Variants in DNAAF4 observed in about 807,000 individuals in gnomAD.
The protein encoded by DNAAF4 is dynein assembly factor 4, axonemal.
In DNAAF4, 43 loss-of-function variants were observed where a neutral mutation model predicts 51.8. That is an observed-to-expected ratio of 0.83 (90% CI 0.65 to 1.07). DNAAF4 has a LOEUF of 1.07. DNAAF4 is among the 50% of genes least tolerant of loss of function. DNAAF4 has a pLI of 0.00. For synonymous variants in DNAAF4, 194 were observed against 165.6 expected, an observed-to-expected ratio of 1.17 and a Z score of -1.32; for missense variants, 581 against 493.0, an observed-to-expected ratio of 1.18 and a Z score of -1.69.
chr15:55,425,335 G>A (rs892091089), downstream of DNAAF4, among the ~76,000 whole-genome samples: 1 of 152,248 alleles, frequency 6.6e-6, no homozygotes, highest in Admixed American at 6.5e-5. Flanking sequence ...CAAGAATCCT[G>A]TTAGGTCAAT....
intron 4 of DNAAF4, among the ~76,000 whole-genome samples, chr15:55,470,101 G>C (rs2058231873): frequency 6.6e-6 from 1 of 151,708 alleles, no homozygotes; most frequent in African/African-American, 2.4e-5. Flanking sequence ...GCCCAGGCTG[G>C]AGTGCAGTGG....
In DNAAF4 at chr15:55,505,358, G is replaced by A. The variant is rs375180529; in HGVS notation, c.-256+2764C>T. On this transcript the variant is annotated intron_variant, in intron 1 of 9. Transcript: ENST00000321149. Reference sequence around the variant, plus strand: ...GTTCAACCATTATGGAAGACAGTGTGAAGATTCCTGAAGGATCTAGAACTA... The same window carrying A: ...GTTCAACCATTATGGAAGACAGTGTAAAGATTCCTGAAGGATCTAGAACTA... 1.9e-4 allele frequency among the ~76,000 whole-genome samples: 29 copies of A among 152,276 alleles called. No individual in the cohort carries two copies. In the East Asian group the frequency reaches 4.1e-3, roughly 21 times the overall value.
chr15:55,452,568 T>C (rs2057952509), intron 5 of DNAAF4, among the ~76,000 whole-genome samples: 1 of 152,092 alleles, frequency 6.6e-6, no homozygotes, highest in Non-Finnish European at 1.5e-5. Context: ...TTGCAAAACA[T>C]AAAAAAGAAA....
intron 5 of DNAAF4, among the ~76,000 whole-genome samples, chr15:55,452,092 C>T (rs995824253): frequency 3.3e-5 from 5 of 150,940 alleles, no homozygotes; most frequent in Non-Finnish European, 1.5e-5. Flanking sequence ...ACTAAAATTA[C>T]AAAAAATTAG....
In DNAAF4 at chr15:55,447,871, G is replaced by A. The variant is rs76208660; in HGVS notation, c.783+2351C>T. Reference sequence around the variant, plus strand: ...AGGGCAGAGGGGAGAGGGGAGAGGGGAGAGGGGAGAGGGGAGCCCCTTTAT... The same window carrying A: ...AGGGCAGAGGGGAGAGGGGAGAGGGAAGAGGGGAGAGGGGAGCCCCTTTAT... On this transcript the variant is annotated intron_variant, in intron 6 of 9. Transcript: ENST00000321149. Among the ~76,000 whole-genome samples, 2 of 113,056 alleles carry A rather than the reference G, an allele frequency of 1.8e-5. 1 individual carries two copies. The highest frequency in any genetic ancestry group is 6.9e-4 in the East Asian group (2 of 2,900). 74.2% of individuals were successfully genotyped at this position (113,056 alleles called of 152,430 possible). A position where few individuals can be genotyped will look rare whatever the true frequency, so the allele number is the denominator to read the frequency against.
Position 55,432,698 on chromosome 15 carries a change from C to T in DNAAF4, c.1048-96G>A, listed in dbSNP as rs1256395296. The stretch of plus-strand genomic sequence containing the variant: ...TGGTGGCTCACGCCTGTAATCCCAA[C>T]ACTTGGGGAGGCCGAGGTAGGTGGA... On this transcript the variant is annotated intron_variant, in intron 8 of 9. Coordinates refer to ENST00000321149, the MANE Select transcript of DNAAF4 (RefSeq NM_130810.4). 17 of 1,105,004 alleles carry T rather than the reference C, an allele frequency of 1.5e-5. No homozygotes were observed. The South Asian group carries it at 2.4e-4, about 16-fold the overall frequency. The allele number at this position is 1,105,004 out of a possible 1,614,324, so 68.4% of individuals were successfully genotyped here. A position where few individuals can be genotyped will look rare whatever the true frequency, so the allele number is the denominator to read the frequency against.
intron 7 of DNAAF4, among the ~76,000 whole-genome samples, chr15:55,423,471 G>T (rs535781136): frequency 6.6e-6 from 1 of 152,166 alleles, no homozygotes; most frequent in African/African-American, 2.4e-5. Flanking sequence ...CTCCTCCCAA[G>T]TGCTGGGATT....
chr15:55,466,675 T>C (rs1165740623), intron 5 of DNAAF4, among the ~76,000 whole-genome samples: 3 of 151,000 alleles, frequency 2.0e-5, no homozygotes, highest in African/African-American at 5.0e-5. Flanking sequence ...TCTTTGTAAA[T>C]TTCAAAAGAA....
intron 4 of DNAAF4, among the ~76,000 whole-genome samples, chr15:55,473,236 T>C (rs1289338506): frequency 1.4e-5 from 2 of 140,620 alleles, no homozygotes; most frequent in African/African-American, 2.6e-5. Context: ...TGTGTGTATA[T>C]ATATATATGT....
At chr15:55,425,848 A>G (rs777139894), downstream of DNAAF4, among the ~76,000 whole-genome samples, 16 of 152,078 alleles carry the variant, frequency 1.1e-4, no homozygotes, top group Non-Finnish European at 2.1e-4. Flanking sequence ...TTTGGACTGA[A>G]CCTCTTGCGC....
At chr15:55,439,448 A>G (rs187729758) in intron 7 of DNAAF4, 24 bp downstream of exon 7, 2 of 1,575,640 alleles carry the variant, frequency 1.3e-6, no homozygotes, top group African/African-American at 1.3e-5. Context: ...GATAAAGCTC[A>G]TGATCAGAGT....
At chr15:55,468,004 CA>C (rs1478905740) in intron 4 of DNAAF4, among the ~76,000 whole-genome samples, 1 of 152,102 alleles carries the variant, frequency 6.6e-6, no homozygotes, top group Non-Finnish European at 1.5e-5. Flanking sequence ...GCACTTACTT[CA>C]ATGATCAAAA....
intron 1 of DNAAF4, among the ~76,000 whole-genome samples, chr15:55,500,986 G>A (rs2058693928): frequency 9.7e-6 from 1 of 102,974 alleles, no homozygotes; most frequent in Non-Finnish European, 1.7e-5. Context: ...GAGTGAAACT[G>A]AGTCTCAAAA....
At chr15:55,436,023 G>A (rs2057603073) in intron 7 of DNAAF4, among the ~76,000 whole-genome samples, 1 of 152,122 alleles carries the variant, frequency 6.6e-6, no homozygotes, top group African/African-American at 2.4e-5. Flanking sequence ...CCCGATCTCA[G>A]GTGATCTGCC....
chr15:55,484,088 A>G (rs1241265321), intron 4 of DNAAF4, among the ~76,000 whole-genome samples: 4 of 152,004 alleles, frequency 2.6e-5, no homozygotes, highest in Non-Finnish European at 4.4e-5. Flanking sequence ...AACCAAAATA[A>G]CAAGTGTTAG....
At chr15:55,464,688 C>T (rs1053648364) in intron 5 of DNAAF4, among the ~76,000 whole-genome samples, 7 of 152,160 alleles carry the variant, frequency 4.6e-5, no homozygotes, top group African/African-American at 1.7e-4. Context: ...AAATGTCCCG[C>T]CAGGTGTGGT....
At chr15:55,429,198 G>C (rs111825943), downstream of DNAAF4, among the ~76,000 whole-genome samples, 40,909 of 151,136 alleles carry the variant, frequency 0.27, 7,008 homozygotes, top group Non-Finnish European at 0.39. Flanking sequence ...CTAAAGCCTG[G>C]GTTACAGAGC....
chr15:55,492,307 GA>G (rs1209055114), intron 3 of DNAAF4, among the ~76,000 whole-genome samples: 1 of 151,268 alleles, frequency 6.6e-6, no homozygotes, highest in Non-Finnish European at 1.5e-5. Flanking sequence ...GGGGAGAGGA[GA>G]AAACTTGAGG....
intron 3 of DNAAF4, among the ~76,000 whole-genome samples, chr15:55,497,175 T>G (rs1403598333): frequency 6.6e-6 from 1 of 152,140 alleles, no homozygotes; most frequent in Non-Finnish European, 1.5e-5. Flanking sequence ...GGTATTCACT[T>G]TTTTCCCTGT....
Sources: gnomAD v4.1 joint callset for allele counts (sites outside exome capture counted in the v4.1 genomes callset) on GRCh38, gnomAD v4.1.1 for gene constraint, MANE v1.5 for transcripts, NCBI Gene and HGNC (gene_info 2026-07-23, HGNC 2026-07-21) for gene names.